THSD7B: variants seen among roughly 807,000 people sequenced by gnomAD.
THSD7B encodes the protein thrombospondin type-1 domain-containing protein 7B.
Under a neutral mutation model 213.6 loss-of-function variants are expected in THSD7B, and 138 were observed. The ratio of observed to expected loss-of-function variants is 0.65; its 90% CI spans 0.56 to 0.74. The LOEUF is 0.74. Among genes scored for constraint, THSD7B ranks in the 30% least tolerant of loss-of-function variants. The pLI, the probability that THSD7B is intolerant of heterozygous loss-of-function variation, is 0.00. For missense variants in THSD7B, 1,931 were observed against 1,991.5 expected, an observed-to-expected ratio of 0.97 and a Z score of 0.58; for synonymous variants, 742 against 687.0, an observed-to-expected ratio of 1.08 and a Z score of -1.25.
chr2:137,569,536 A>AATAAATTGGGTACTTTCAAGGATT (rs1369403249), intron 16 of THSD7B, among the ~76,000 whole-genome samples: 2 of 152,138 alleles, frequency 1.3e-5, no homozygotes, highest in Non-Finnish European at 2.9e-5. Context: ...GGTACTTCTT[A>AATAAATTGGGTACTTTCAAGGATT]TACTTTCAAT....
chr2:136,785,824 C>A (rs1055883333), intron 1 of THSD7B, among the ~76,000 whole-genome samples: 1 of 152,136 alleles, frequency 6.6e-6, no homozygotes, highest in African/African-American at 2.4e-5. Context: ...CTCCTGGGAG[C>A]CTGTTTTATA....
chr2:137,371,544 A>G (rs972489781), intron 12 of THSD7B, among the ~76,000 whole-genome samples: 11 of 152,146 alleles, frequency 7.2e-5, no homozygotes, highest in Non-Finnish European at 1.5e-4. Flanking sequence ...TATCTCTTTT[A>G]ATTTGGAAAA....
intron 15 of THSD7B, among the ~76,000 whole-genome samples, chr2:137,456,349 A>G (rs1397860862): frequency 6.6e-6 from 1 of 152,238 alleles, no homozygotes; most frequent in Non-Finnish European, 1.5e-5. Flanking sequence ...GCTCATTCTG[A>G]TACTGCTTTA....
chr2:136,983,796 G>C (rs1409696834), intron 2 of THSD7B, among the ~76,000 whole-genome samples: 1 of 152,190 alleles, frequency 6.6e-6, no homozygotes, highest in African/African-American at 2.4e-5. Flanking sequence ...GTGCAGGGTG[G>C]AATTTGGTAA....
At chr2:136,804,402 TAACAC>T (rs1682247001) in intron 1 of THSD7B, among the ~76,000 whole-genome samples, 1 of 63,482 alleles carries the variant, frequency 1.6e-5, no homozygotes, top group South Asian at 6.9e-4. Flanking sequence ...CACACACACA[TAACAC>T]ACACACACAC....
At chr2:137,264,247 CTTT>C (rs201121736) in intron 10 of THSD7B, among the ~76,000 whole-genome samples, 6 of 140,092 alleles carry the variant, frequency 4.3e-5, no homozygotes, top group African/African-American at 1.6e-4. Context: ...TAGAAACAGC[CTTT>C]TTTTTTTTTT....
At chr2:137,425,460 G>T (rs964052703) in intron 14 of THSD7B, among the ~76,000 whole-genome samples, 3 of 152,062 alleles carry the variant, frequency 2.0e-5, no homozygotes, top group African/African-American at 4.8e-5. Context: ...CAGGTGATCC[G>T]CCCACCTCAG....
intron 12 of THSD7B, among the ~76,000 whole-genome samples, chr2:137,400,899 C>A (rs554530640): frequency 2.4e-4 from 36 of 152,290 alleles, no homozygotes; most frequent in African/African-American, 7.5e-4. Context: ...AGCCTGTATT[C>A]AGGCCCACTA....
At chr2:137,479,569 C>T (rs1360253203) in intron 15 of THSD7B, 10 of 257,412 alleles carry the variant, frequency 3.9e-5, no homozygotes, top group East Asian at 1.4e-4. Context: ...ATGCTTTGGC[C>T]CCAGTTAGTG....
At chr2:137,510,634 C>A (rs975895971) in intron 15 of THSD7B, among the ~76,000 whole-genome samples, 1 of 152,070 alleles carries the variant, frequency 6.6e-6, no homozygotes, top group Admixed American at 6.5e-5. Flanking sequence ...TTTTAGTATG[C>A]TTTATAGTGC....
chr2:137,580,987 A>G (rs1681561488), intron 17 of THSD7B, among the ~76,000 whole-genome samples: 1 of 152,166 alleles, frequency 6.6e-6, no homozygotes, highest in South Asian at 2.1e-4. Context: ...ACAATTCAAC[A>G]TGAGATTTGG....
chr2:137,381,950 T>C (rs1333917548), intron 12 of THSD7B, among the ~76,000 whole-genome samples: 1 of 152,126 alleles, frequency 6.6e-6, no homozygotes, highest in Non-Finnish European at 1.5e-5. Context: ...AAATGAGCGA[T>C]CCACTGGTCC....
chr2:136,825,892 C>T (rs1311398699), intron 1 of THSD7B, among the ~76,000 whole-genome samples: 1 of 151,812 alleles, frequency 6.6e-6, no homozygotes, highest in African/African-American at 2.4e-5. Flanking sequence ...TAGATTGGGC[C>T]CACCTTAATG....
At chr2:137,635,721 CTT>C (rs199699054) in intron 20 of THSD7B, among the ~76,000 whole-genome samples, 10 of 141,410 alleles carry the variant, frequency 7.1e-5, no homozygotes, top group Admixed American at 1.4e-4. Context: ...CCGCAAGTTT[CTT>C]TTTTTTTTTT....
chr2:137,310,551 T>C (rs1683874084), intron 12 of THSD7B, among the ~76,000 whole-genome samples: 1 of 150,848 alleles, frequency 6.6e-6, no homozygotes, highest in African/African-American at 2.4e-5. Context: ...GCCATTGCTT[T>C]TGGTGTTTTA....
intron 7 of THSD7B, 124 bp downstream of exon 7, chr2:137,171,062 T>C: frequency 1.8e-6 from 2 of 1,098,856 alleles, no homozygotes; most frequent in African/African-American, 1.6e-5. Context: ...CCTTGAATAT[T>C]TATGTTTACA....
chr2:137,405,812 A>T lies in THSD7B; in HGVS notation c.2695+5A>T. On this transcript the variant is annotated splice_donor_5th_base_variant and intron_variant, in intron 13 of 27. Transcript: ENST00000409968. Reference sequence around the variant, plus strand: ...GTAGGCGGCGACAGCTCACAGGTATAGTGTGCATTTTACTCTTTAGCATCA... The same window carrying T: ...GTAGGCGGCGACAGCTCACAGGTATTGTGTGCATTTTACTCTTTAGCATCA... 6.2e-7 allele frequency: 1 copy of T among 1,606,550 alleles called. No individual in the cohort carries two copies. The highest frequency in any genetic ancestry group is 8.5e-7 in the Non-Finnish European group (1 of 1,176,458).
At chr2:137,635,437 C>G (rs975597067) in intron 20 of THSD7B, among the ~76,000 whole-genome samples, 1 of 152,134 alleles carries the variant, frequency 6.6e-6, no homozygotes, top group African/African-American at 2.4e-5. Flanking sequence ...TGTATGGCAG[C>G]AAGCTTCACT....
At chr2:137,573,049 T>G (rs1285852252) in intron 17 of THSD7B, among the ~76,000 whole-genome samples, 1 of 144,932 alleles carries the variant, frequency 6.9e-6, no homozygotes, top group Non-Finnish European at 1.5e-5. Context: ...CTTCCAAAGC[T>G]AACAAAAATA....
Sources: allele counts gnomAD v4.1 joint callset (sites outside exome capture counted in the v4.1 genomes callset), GRCh38; gene constraint gnomAD v4.1.1; transcripts MANE v1.5; gene names NCBI Gene and HGNC (gene_info 2026-07-23, HGNC 2026-07-21).